Variants in GRM8 observed in about 807,000 individuals in gnomAD.
The protein encoded by GRM8 is glutamate metabotropic receptor 8.
A neutral mutation model predicts 87.2 loss-of-function variants in GRM8; 47 were observed. The ratio of observed to expected loss-of-function variants is 0.54; its 90% CI spans 0.43 to 0.69. GRM8 has a LOEUF of 0.69. Among genes scored for constraint, GRM8 ranks in the 30% least tolerant of loss-of-function variants. The pLI is 0.00. For synonymous variants in GRM8, 396 were observed against 404.5 expected (o/e 0.98, Z 0.25); for missense variants, 1,019 against 1,139.2 (o/e 0.89, Z 1.52).
chr7:127,189,945 A>T (rs1445236302), intron 2 of GRM8, among the ~76,000 whole-genome samples: 1 of 152,228 alleles, frequency 6.6e-6, no homozygotes, highest in Non-Finnish European at 1.5e-5. Flanking sequence ...AGTACTGCAT[A>T]ACAAAGAGCC....
chr7:127,067,256 A>G (rs1184738280), intron 3 of GRM8, among the ~76,000 whole-genome samples: 1 of 152,162 alleles, frequency 6.6e-6, no homozygotes, highest in South Asian at 2.1e-4. Flanking sequence ...GAGCAAAAAA[A>G]TGCTTGTTTC....
chr7:126,887,417 T>C (rs910585867), intron 6 of GRM8, among the ~76,000 whole-genome samples: 77 of 151,842 alleles, frequency 5.1e-4, no homozygotes, highest in African/African-American at 1.8e-3. Context: ...AATCCTGGAG[T>C]TCCTGTGTGC....
intron 2 of GRM8, among the ~76,000 whole-genome samples, chr7:127,216,517 C>CAAAAAAAAAAAAAAAAAAAAAAA (rs58730624): frequency 1.6e-5 from 1 of 62,968 alleles, no homozygotes; most frequent in Non-Finnish European, 3.4e-5. Context: ...GACTCCGTCT[C>CAAAAAAAAAAAAAAAAAAAAAAA]AAAAAAAAAA....
chr7:126,472,241 A>G (rs1805356058), intron 9 of GRM8, among the ~76,000 whole-genome samples: 1 of 152,166 alleles, frequency 6.6e-6, no homozygotes, highest in South Asian at 2.1e-4. Flanking sequence ...AGGAGTGGTG[A>G]GAGAGGGCAT....
chr7:127,200,210 G>A (rs867424144), intron 2 of GRM8, among the ~76,000 whole-genome samples: 2 of 152,032 alleles, frequency 1.3e-5, no homozygotes, highest in Non-Finnish European at 2.9e-5. Flanking sequence ...TTTAGCAAAG[G>A]GATGGGATTG....
intron 3 of GRM8, among the ~76,000 whole-genome samples, chr7:127,061,409 T>C (rs1820580122): frequency 6.6e-6 from 1 of 152,238 alleles, no homozygotes; most frequent in Non-Finnish European, 1.5e-5. Context: ...AGCTCATCAT[T>C]TTTAACCAAA....
At position 127,212,302 on chromosome 7, in the gene GRM8, G is replaced by T. The variant is rs142804564; in HGVS notation, c.510+30393C>A. Among the ~76,000 whole-genome samples, 10 of 151,964 alleles carry T rather than the reference G, an allele frequency of 6.6e-5. No homozygotes were observed. The East Asian group carries it at 1.9e-3, about 29-fold the overall frequency. ...CAGTCACGTATCTAAGACAGACATA[G>T]AATTTCGCAGGAAGTCTGAGGTTAT... On this transcript the variant is annotated intron_variant, in intron 2 of 10. Coordinates refer to ENST00000339582, the MANE Select transcript of GRM8 (RefSeq NM_000845.3).
chr7:127,147,186 A>G (rs981663548), intron 2 of GRM8, among the ~76,000 whole-genome samples: 2 of 152,072 alleles, frequency 1.3e-5, no homozygotes, highest in Admixed American at 1.3e-4. Flanking sequence ...CCAATGAATG[A>G]AAGTTGGGCA....
At chr7:127,196,590 G>A (rs980431750) in intron 2 of GRM8, among the ~76,000 whole-genome samples, 14 of 150,968 alleles carry the variant, frequency 9.3e-5, no homozygotes, top group African/African-American at 3.4e-4. Context: ...GTATCCTTTA[G>A]ATAACATATT....
At chr7:127,077,272 T>A (rs755414513) in intron 3 of GRM8, among the ~76,000 whole-genome samples, 2 of 152,168 alleles carry the variant, frequency 1.3e-5, no homozygotes, top group Non-Finnish European at 2.9e-5. Context: ...TCAGGAGTTT[T>A]CATAAGTAAT....
chr7:126,945,870 A>C (rs1563341898), intron 3 of GRM8, among the ~76,000 whole-genome samples: 1 of 152,206 alleles, frequency 6.6e-6, no homozygotes, highest in Non-Finnish European at 1.5e-5. Context: ...CAGAATTATT[A>C]ATAGTGTAAC....
intron 7 of GRM8, among the ~76,000 whole-genome samples, chr7:126,641,618 T>A (rs556569050): frequency 1.5e-4 from 23 of 152,340 alleles, no homozygotes; most frequent in African/African-American, 5.5e-4. Flanking sequence ...TTATTCCATT[T>A]AATCCTCACA....
chr7:127,188,441 G>A (rs1316341901), intron 2 of GRM8, among the ~76,000 whole-genome samples: 1 of 152,074 alleles, frequency 6.6e-6, no homozygotes, highest in African/African-American at 2.4e-5. Context: ...CCATGCCGAT[G>A]CCATGCCCCA....
At chr7:126,956,906 A>G (rs1808743971) in intron 3 of GRM8, among the ~76,000 whole-genome samples, 1 of 152,232 alleles carries the variant, frequency 6.6e-6, no homozygotes, top group South Asian at 2.1e-4. Context: ...GCCGACTATT[A>G]CCATGAATTA....
chr7:126,791,513 C>T (rs1213397290), intron 6 of GRM8, among the ~76,000 whole-genome samples: 1 of 152,196 alleles, frequency 6.6e-6, no homozygotes, highest in Non-Finnish European at 1.5e-5. Context: ...CTGGGTTCTG[C>T]ACACATTCAA....
chr7:127,059,274 C>A (rs1252121303), intron 3 of GRM8, among the ~76,000 whole-genome samples: 2 of 151,448 alleles, frequency 1.3e-5, no homozygotes, highest in Non-Finnish European at 2.9e-5. Flanking sequence ...AGACTAAATC[C>A]GTCATTTTGT....
intron 8 of GRM8, among the ~76,000 whole-genome samples, chr7:126,563,354 A>ATT (rs1793912016): frequency 6.6e-6 from 1 of 152,112 alleles, no homozygotes; most frequent in African/African-American, 2.4e-5. Flanking sequence ...AACAGTGCAA[A>ATT]TACTAAGAAA....
intron 2 of GRM8, among the ~76,000 whole-genome samples, chr7:127,211,369 GA>G (rs1796202322): frequency 6.6e-6 from 1 of 152,194 alleles, no homozygotes. Context: ...ATGAAGGCGG[GA>G]ACACTCAGCC....
intron 6 of GRM8, among the ~76,000 whole-genome samples, chr7:126,787,082 A>C (rs1270217259): frequency 6.6e-6 from 1 of 152,160 alleles, no homozygotes; most frequent in Non-Finnish European, 1.5e-5. Context: ...TATCTCCTCT[A>C]AATAGCCATC....
Sources: gnomAD v4.1 joint callset for allele counts (sites outside exome capture counted in the v4.1 genomes callset) on GRCh38, gnomAD v4.1.1 for gene constraint, MANE v1.5 for transcripts, NCBI Gene and HGNC (gene_info 2026-07-23, HGNC 2026-07-21) for gene names.